Variants in CSTPP1 observed in about 807,000 individuals in gnomAD.
The protein encoded by CSTPP1 is centriolar satellite-associated tubulin polyglutamylase complex regulator 1.
the CSTPP1 span, among the ~76,000 whole-genome samples, chr11:46,955,400 T>C: frequency 6.6e-6 from 1 of 150,516 alleles, no homozygotes; most frequent in Admixed American, 6.6e-5. Flanking sequence ...GGTCTTGCTC[T>C]GTAACCAGGC....
At chr11:46,944,184 G>T in the CSTPP1 span, among the ~76,000 whole-genome samples, 2 of 149,770 alleles carry the variant, frequency 1.3e-5, no homozygotes, top group Non-Finnish European at 3.0e-5. Context: ...AGAGCGTGGG[G>T]GTGTGTTCCT....
chr11:47,152,424 C>T, the CSTPP1 span, among the ~76,000 whole-genome samples: 23 of 152,300 alleles, frequency 1.5e-4, no homozygotes, highest in Middle Eastern at 3.4e-3. Context: ...CAGACCACTT[C>T]TGAGGCTGGA....
At chr11:47,134,186 A>T in the CSTPP1 span, among the ~76,000 whole-genome samples, 1 of 151,464 alleles carries the variant, frequency 6.6e-6, no homozygotes, top group African/African-American at 2.4e-5. Context: ...AAGTGAGTTA[A>T]TTTTTTTTTA....
the CSTPP1 span, chr11:47,041,076 G>T: frequency 5.4e-6 from 1 of 184,954 alleles, no homozygotes; most frequent in South Asian, 6.0e-5. Flanking sequence ...AGAAGGTGTT[G>T]ACTTTGTCTG....
At chr11:47,069,680 ATTG>A in the CSTPP1 span, among the ~76,000 whole-genome samples, 29 of 152,066 alleles carry the variant, frequency 1.9e-4, no homozygotes, top group African/African-American at 6.0e-4. Flanking sequence ...CAAGAGTTTT[ATTG>A]TTGTTGTTGT....
the CSTPP1 span, among the ~76,000 whole-genome samples, chr11:47,057,856 G>A: frequency 6.6e-6 from 1 of 152,156 alleles, no homozygotes; most frequent in South Asian, 2.1e-4. Flanking sequence ...CAGCCATAGG[G>A]AAGAGACCTC....
chr11:46,940,634 G>A, the CSTPP1 span, among the ~76,000 whole-genome samples: 1 of 151,842 alleles, frequency 6.6e-6, no homozygotes, highest in Admixed American at 6.6e-5. Flanking sequence ...GTCTTTGAAA[G>A]CTATATATAT....
At chr11:47,022,317 C>A in the CSTPP1 span, among the ~76,000 whole-genome samples, 1 of 142,910 alleles carries the variant, frequency 7.0e-6, no homozygotes, top group Non-Finnish European at 1.5e-5. Flanking sequence ...AAAGTCATTT[C>A]CATTTCTTCA....
chr11:46,976,790 C>T, the CSTPP1 span, among the ~76,000 whole-genome samples: 1 of 152,108 alleles, frequency 6.6e-6, no homozygotes, highest in Non-Finnish European at 1.5e-5. Context: ...TCTGTGCATA[C>T]TCAAGTCCTG....
chr11:47,050,790 C>G, the CSTPP1 span, among the ~76,000 whole-genome samples: 3 of 152,154 alleles, frequency 2.0e-5, no homozygotes, highest in Non-Finnish European at 4.4e-5. Flanking sequence ...AATAGCACTG[C>G]GTGGTTAGGT....
the CSTPP1 span, among the ~76,000 whole-genome samples, chr11:46,957,554 A>G: frequency 4.6e-5 from 7 of 152,166 alleles, no homozygotes; most frequent in African/African-American, 1.7e-4. Flanking sequence ...CTGTATTGCT[A>G]TTGAGTGATC....
At chr11:47,158,356 T>A in the CSTPP1 span, among the ~76,000 whole-genome samples, 2 of 150,760 alleles carry the variant, frequency 1.3e-5, no homozygotes, top group African/African-American at 4.9e-5. Flanking sequence ...AAAAAAAATC[T>A]GATTAATCTG....
chr11:47,164,042 C>T, the CSTPP1 span: 8 of 1,558,042 alleles, frequency 5.1e-6, no homozygotes, highest in South Asian at 9.6e-5. Context: ...CGCCCTCAGC[C>T]AGCGAGTTAA....
the CSTPP1 span, among the ~76,000 whole-genome samples, chr11:47,069,562 A>G: frequency 1.3e-5 from 2 of 152,316 alleles, no homozygotes; most frequent in South Asian, 4.1e-4. Context: ...CTGGTTTAAA[A>G]TTTAAAAATA....
chr11:46,961,520 T>C, the CSTPP1 span, among the ~76,000 whole-genome samples: 1 of 152,198 alleles, frequency 6.6e-6, no homozygotes, highest in Non-Finnish European at 1.5e-5. Flanking sequence ...TTCTCCCATC[T>C]TGTGGGTTGT....
the CSTPP1 span, among the ~76,000 whole-genome samples, chr11:47,059,192 G>A: frequency 6.6e-6 from 1 of 152,114 alleles, no homozygotes; most frequent in East Asian, 1.9e-4. Context: ...AGGTCCTGTT[G>A]GGGGGCTGGG....
At chr11:47,056,328 A>G in the CSTPP1 span, among the ~76,000 whole-genome samples, 1 of 152,252 alleles carries the variant, frequency 6.6e-6, no homozygotes, top group Non-Finnish European at 1.5e-5. Flanking sequence ...GTGATAGAAC[A>G]TATGGAGATA....
At chr11:47,049,174 T>C in the CSTPP1 span, among the ~76,000 whole-genome samples, 2 of 151,698 alleles carry the variant, frequency 1.3e-5, no homozygotes, top group African/African-American at 4.8e-5. Context: ...TTTCATAAAA[T>C]CAAGGTTTCA....
chr11:46,958,623 A>G, the CSTPP1 span, among the ~76,000 whole-genome samples: 1 of 152,174 alleles, frequency 6.6e-6, no homozygotes, highest in Non-Finnish European at 1.5e-5. Context: ...ACTTTGTTAA[A>G]GGGTCAGCTG....
Sources: gnomAD v4.1 joint callset for allele counts (sites outside exome capture counted in the v4.1 genomes callset) on GRCh38, gnomAD v4.1.1 for gene constraint, MANE v1.5 for transcripts, NCBI Gene and HGNC (gene_info 2026-07-23, HGNC 2026-07-21) for gene names.